SMAD1: variants seen among roughly 807,000 people sequenced by gnomAD.
SMAD1 encodes the protein SMAD family member 1.
In SMAD1, 6 loss-of-function variants were observed where a neutral mutation model predicts 41.6. The ratio of observed to expected loss-of-function variants is 0.14; its 90% CI spans 0.08 to 0.28. The LOEUF (loss-of-function observed/expected upper bound fraction) is 0.28. Ranked by LOEUF, SMAD1 falls within the 10% of genes least tolerant of loss-of-function variation. The pLI is 1.00. For missense variants in SMAD1, 379 were observed against 582.6 expected (o/e 0.65, Z 3.60); for synonymous variants, 206 against 203.2 (o/e 1.01, Z -0.12).
chr4:145,515,125 T>C, intron 2 of SMAD1, 112 bp downstream of exon 2: 2 of 1,044,068 alleles, frequency 1.9e-6, no homozygotes, highest in Admixed American at 2.4e-5. Flanking sequence ...TTAAAAATAT[T>C]TGGGGAAACT....
chr4:145,545,234 G>A (rs1409974630), intron 4 of SMAD1: 19 of 152,078 alleles, frequency 1.2e-4, no homozygotes. Flanking sequence ...GGGCAGAATT[G>A]GATAGTTGTG....
intron 1 of SMAD1, among the ~76,000 whole-genome samples, chr4:145,510,504 C>T (rs1407300590): frequency 6.6e-6 from 1 of 151,880 alleles, no homozygotes; most frequent in East Asian, 1.9e-4. Flanking sequence ...CTTCTTTGAC[C>T]TTTGGGTTAT....
At chr4:145,517,658 G>A (rs1161401502) in intron 2 of SMAD1, among the ~76,000 whole-genome samples, 1 of 128,896 alleles carries the variant, frequency 7.8e-6, no homozygotes, top group Non-Finnish European at 1.9e-5. Flanking sequence ...TCGTCATTTG[G>A]CCATTTTTTT....
At chr4:145,544,792 C>T (rs1578820009) in intron 4 of SMAD1, 1 of 151,966 alleles carries the variant, frequency 6.6e-6, no homozygotes, top group Non-Finnish European at 1.5e-5. Flanking sequence ...GGGAAATAAC[C>T]CCTATCTCAC....
At chr4:145,533,821 A>T (rs1191131450) in intron 2 of SMAD1, among the ~76,000 whole-genome samples, 4 of 152,234 alleles carry the variant, frequency 2.6e-5, no homozygotes. Context: ...ATTTAATCTC[A>T]TTGAAAATAG....
chr4:145,499,806 G>C (rs1037876442), intron 1 of SMAD1, among the ~76,000 whole-genome samples: 1 of 152,020 alleles, frequency 6.6e-6, no homozygotes, highest in Non-Finnish European at 1.5e-5. Flanking sequence ...TACTCAACCT[G>C]TATTCCTGTA....
At chr4:145,486,211 C>T (rs970879992) in intron 1 of SMAD1, among the ~76,000 whole-genome samples, 1 of 152,210 alleles carries the variant, frequency 6.6e-6, no homozygotes, top group South Asian at 2.1e-4. Flanking sequence ...AAATAATGCT[C>T]ATCTAAGCAG....
chr4:145,490,346 T>A (rs1728706993), intron 1 of SMAD1, among the ~76,000 whole-genome samples: 1 of 152,168 alleles, frequency 6.6e-6, no homozygotes, highest in African/African-American at 2.4e-5. Context: ...TTTCCTGTAT[T>A]GTTGGAGGTA....
rs1483244170 is a variant in SMAD1 at position 145,514,640 on chromosome 4, T to A, written c.27T>A (p.Phe9Leu). The part of the protein sequence containing the change: MNVTSLFS[F>L]TSPAVKRLLG... ...TGAATGTGACAAGTTTATTTTCCTT[T>A]ACAAGTCCAGCTGTGAAGAGACTTC... Residue 9 changes from phenylalanine to leucine, a missense_variant, in exon 2 of 7, where the codon TTT becomes TTA. Phe to Leu is a conservative substitution (Grantham distance 22, BLOSUM62 0). This residue lies in a region of SMAD1 where 64 missense variants were observed against 153.9 expected (regional missense o/e 0.42). Coordinates refer to ENST00000302085, the MANE Select transcript of SMAD1 (RefSeq NM_005900.3). The surrounding 1 kb of genome is among the most constrained non-coding windows in gnomAD (Gnocchi z 4.7). The A allele has an allele frequency of 6.2e-7, 1 of 1,609,134 alleles. No individual in the cohort carries two copies. The highest frequency in any genetic ancestry group is 8.5e-7 in the Non-Finnish European group (1 of 1,178,580).
At position 145,514,916 on chromosome 4, in the gene SMAD1, T is replaced by A. The variant is rs1181944797; in HGVS notation, c.303T>A (p.His101Gln). 3 of 1,613,910 alleles carry A rather than the reference T, an allele frequency of 1.9e-6. No homozygotes were observed. In the Admixed American group the frequency reaches 5.0e-5, roughly 27 times the overall value. ...VWRWPDLQSH[H>Q]ELKPLECCEF... Reference sequence around the variant, plus strand: ...GCTGGCCCGATCTTCAGAGCCACCATGAACTAAAACCACTGGAATGCTGTG... The same window carrying A: ...GCTGGCCCGATCTTCAGAGCCACCAAGAACTAAAACCACTGGAATGCTGTG... The change falls in exon 2 of 7, where the codon CAT becomes CAA. Residue 101 changes from histidine to glutamine, a missense_variant. This residue lies in a region of SMAD1 where 64 missense variants were observed against 153.9 expected (regional missense o/e 0.42). Coordinates refer to ENST00000302085, the MANE Select transcript of SMAD1 (RefSeq NM_005900.3). This position sits in a 1 kb window ranked among gnomAD's most constrained non-coding sequence, Gnocchi z 4.7.
At chr4:145,522,485 C>A (rs939183306) in intron 2 of SMAD1, among the ~76,000 whole-genome samples, 5 of 151,582 alleles carry the variant, frequency 3.3e-5, no homozygotes, top group South Asian at 2.1e-4. Context: ...CCTGTAATCC[C>A]AGCTCTCAGA....
In SMAD1 at chr4:145,542,670, T is replaced by C. The variant is rs139872383; in HGVS notation, c.747T>C (p.Pro249=). 6.7e-4 allele frequency: 1,087 copies of C among 1,611,234 alleles called. 6 individuals are homozygous for C. The African/African-American group carries it at 0.013, about 19-fold the overall frequency. ...CGATGGACACAAACATGATGGCGCC[T>C]CCCCTGCCCTCAGAAATCAACAGAG... ...SQPMDTNMMA[P]PLPSEINRGD... The change falls in exon 4 of 7, where the codon CCT becomes CCC. Residue 249 remains proline, a synonymous_variant. Coordinates refer to ENST00000302085, the MANE Select transcript of SMAD1 (RefSeq NM_005900.3).
In SMAD1 at chr4:145,482,712, G is replaced by A. The variant is rs1206168833; in HGVS notation, c.-177+674G>A. On this transcript the variant is annotated intron_variant, in intron 1 of 6. Coordinates refer to ENST00000302085, the MANE Select transcript of SMAD1 (RefSeq NM_005900.3). This position sits in a 1 kb window ranked among gnomAD's most constrained non-coding sequence, Gnocchi z 4.2. ...TCCCCTCTAATTTATTCAAAGGTTT[G>A]GCGGCGGCGCGTAATTTTTTCCCCC... is the stretch of plus-strand genomic sequence containing the variant. The A allele has an allele frequency of 6.6e-6, 1 of 152,128 alleles. No individual in the cohort carries two copies. Among genetic ancestry groups the A allele is most frequent in the Admixed American group, 6.6e-5 (1 of 15,264 alleles). 9.4% of individuals were successfully genotyped at this position (152,128 alleles called of 1,614,324 possible). A position where few individuals can be genotyped will look rare whatever the true frequency, so the allele number is the denominator to read the frequency against.
In SMAD1 at chr4:145,546,882, C is replaced by T; in HGVS notation, c.955C>T (p.Arg319Trp). Residue 319 changes from arginine to tryptophan, a missense_variant, in exon 5 of 7, where the codon CGG becomes TGG. By Grantham distance (101) the Arg-to-Trp change is moderately radical (BLOSUM62 -3). Transcript: ENST00000302085. ...CCTTGGGCTGCTCTCCAATGTTAAC[C>T]GGAATTCCACTATTGAAAACACCAG... is the stretch of plus-strand genomic sequence containing the variant. ...FCLGLLSNVNRNSTIENTRRH... is the reference protein window; with the variant it reads ...FCLGLLSNVNWNSTIENTRRH... 1.2e-6 allele frequency: 2 copies of T among 1,614,038 alleles called. No homozygotes were observed. The highest frequency in any genetic ancestry group is 1.7e-6 in the Non-Finnish European group (2 of 1,179,970).
chr4:145,530,776 A>G (rs895554340), intron 2 of SMAD1, among the ~76,000 whole-genome samples: 4 of 152,192 alleles, frequency 2.6e-5, no homozygotes, highest in Non-Finnish European at 4.4e-5. Flanking sequence ...AGAATTTAAA[A>G]AACAACTTCC....
chr4:145,521,702 A>G (rs781419221), intron 2 of SMAD1, among the ~76,000 whole-genome samples: 32 of 152,146 alleles, frequency 2.1e-4, no homozygotes, highest in Non-Finnish European at 3.7e-4. Context: ...GTAGCCATAA[A>G]AGGGCAAAGT....
At chr4:145,542,806 A>G in intron 4 of SMAD1, 108 bp downstream of exon 4, 1 of 703,006 alleles carries the variant, frequency 1.4e-6, no homozygotes, top group East Asian at 2.6e-5. Context: ...TACTTGAGAA[A>G]AATAGAGTCC....
chr4:145,498,928 C>A (rs111371887), intron 1 of SMAD1, among the ~76,000 whole-genome samples: 3,521 of 152,274 alleles, frequency 0.023, 140 homozygotes, highest in African/African-American at 0.079. Context: ...GTGTGTTCAT[C>A]TGAGGGAGCT....
chr4:145,548,779 A>T (rs1166220034), intron 5 of SMAD1, among the ~76,000 whole-genome samples: 1 of 152,218 alleles, frequency 6.6e-6, no homozygotes, highest in East Asian at 1.9e-4. Flanking sequence ...TTACCCTCAA[A>T]CTGCCTGTTA....
Sources: allele counts gnomAD v4.1 joint callset (sites outside exome capture counted in the v4.1 genomes callset), GRCh38; gene constraint gnomAD v4.1.1; regional missense constraint gnomAD v4.1.1; non-coding constraint Gnocchi (gnomAD v3.1); transcripts MANE v1.5; gene names NCBI Gene and HGNC (gene_info 2026-07-23, HGNC 2026-07-21).